The following VRTN variants were observed in gnomAD, a reference collection of about 807,000 sequenced individuals.
VRTN encodes vertebrae development associated.
A neutral mutation model predicts 18.2 loss-of-function variants in VRTN; 5 were observed. That is an observed-to-expected ratio of 0.27 (90% confidence interval 0.14 to 0.58). The LOEUF (loss-of-function observed/expected upper bound fraction) is 0.58. Among genes scored for constraint, VRTN ranks in the 20% least tolerant of loss-of-function variants. The pLI, the probability that VRTN is intolerant of heterozygous loss-of-function variation, is 0.91. For missense variants in VRTN, 741 were observed against 939.4 expected, an observed-to-expected ratio of 0.79 and a Z score of 2.76; for synonymous variants, 381 against 393.7, an observed-to-expected ratio of 0.97 and a Z score of 0.38.
upstream of VRTN, among the ~76,000 whole-genome samples, chr14:74,345,957 G>C (rs8017796): frequency 6.7e-6 from 1 of 149,994 alleles, no homozygotes. Context: ...AGAAAAGCAA[G>C]GAAAATACCC....
chr14:74,346,023 G>A (rs968420163), upstream of VRTN, among the ~76,000 whole-genome samples: 5 of 152,144 alleles, frequency 3.3e-5, no homozygotes, highest in East Asian at 9.7e-4. Context: ...ATGAAAATGG[G>A]CTGGGTACGG....
chr14:74,313,946 C>T (rs982361810), intron 1 of VRTN, among the ~76,000 whole-genome samples: 8 of 152,016 alleles, frequency 5.3e-5, no homozygotes, highest in African/African-American at 9.7e-5. Context: ...AAACAAAAAA[C>T]GAAAAACAGC....
chr14:74,357,401 C>A lies in VRTN; in HGVS notation c.618C>A (p.Ile206=), dbSNP rs148810419. The A allele has an allele frequency of 1.9e-6, 3 of 1,612,956 alleles. No individual in the cohort carries two copies. The African/African-American group carries it at 4.0e-5, about 22-fold the overall frequency. ...TCCGGCCCTACTTCAACCGTGTCAT[C>A]CGGCCCCGCCGCTGCGACCACGTGC... ...LKIRPYFNRV[I]RPRRCDHVPS... The change falls in exon 2 of 2, where the codon ATC becomes ATA. Residue 206 remains isoleucine, a synonymous_variant. Transcript: ENST00000256362. This position sits in a 1 kb window ranked among gnomAD's most constrained non-coding sequence, Gnocchi z 7.8.
chr14:74,310,504 T>TA (rs1327284797), intron 1 of VRTN, among the ~76,000 whole-genome samples: 1 of 151,554 alleles, frequency 6.6e-6, no homozygotes, highest in Non-Finnish European at 1.5e-5. Flanking sequence ...CACTTGGTAT[T>TA]TGTGTGACCT....
At chr14:74,356,692 G>T (rs1237201967) in intron 1 of VRTN, 91 bp from the exon 2 acceptor site, 16 of 1,459,722 alleles carry the variant, frequency 1.1e-5, no homozygotes, top group African/African-American at 1.4e-5. Context: ...TACCTTTTGG[G>T]AGAAAGTGCA....
At chr14:74,343,488 C>T (rs564174274), upstream of VRTN, among the ~76,000 whole-genome samples, 1 of 152,176 alleles carries the variant, frequency 6.6e-6, no homozygotes, top group African/African-American at 2.4e-5. Context: ...ATTACACATA[C>T]AATTTGAAGG....
chr14:74,316,084 G>A (rs1251713281), intron 1 of VRTN, among the ~76,000 whole-genome samples: 1 of 152,196 alleles, frequency 6.6e-6, no homozygotes, highest in African/African-American at 2.4e-5. Flanking sequence ...CAGCAGCTGG[G>A]GCAACAAGTC....
chr14:74,353,569 C>T (rs1007460354), intron 1 of VRTN, among the ~76,000 whole-genome samples: 10 of 152,230 alleles, frequency 6.6e-5, no homozygotes, highest in African/African-American at 1.2e-4. Context: ...GACTCCTGTA[C>T]GGTCTGCAGA....
chr14:74,318,654 C>T (rs564212482), intron 1 of VRTN, among the ~76,000 whole-genome samples: 9 of 151,982 alleles, frequency 5.9e-5, no homozygotes, highest in East Asian at 1.9e-4. Flanking sequence ...TCAGGTGATC[C>T]GCCCGCCTTG....
At chr14:74,332,768 G>A (rs2051145964) in intron 1 of VRTN, among the ~76,000 whole-genome samples, 1 of 151,978 alleles carries the variant, frequency 6.6e-6, no homozygotes, top group Admixed American at 6.6e-5. Flanking sequence ...TCACAAACAG[G>A]TATTTCTTGA....
intron 1 of VRTN, among the ~76,000 whole-genome samples, chr14:74,337,209 G>T (rs913740054): frequency 1.3e-5 from 2 of 152,066 alleles, no homozygotes; most frequent in Non-Finnish European, 2.9e-5. Flanking sequence ...TGGGCATGGT[G>T]GCACATGCCT....
Position 74,357,277 on chromosome 14 carries a change from G to C in VRTN, c.494G>C (p.Cys165Ser). ...TTCGATGCCGACGTCAAGGCCTCCTGTTTCCCCAGCAGCTTCTCCAACGTG... is the reference window on the plus strand; with the variant it reads ...TTCGATGCCGACGTCAAGGCCTCCTCTTTCCCCAGCAGCTTCTCCAACGTG... ...AIFDADVKAS[C>S]FPSSFSNVWH... is the part of the protein sequence containing the mutation. The change falls in exon 2 of 2, where the codon TGT becomes TCT. Residue 165 changes from cysteine (C) to serine (S), a missense_variant. Physicochemically the swap from Cys to Ser is moderately radical, Grantham distance 112. Coordinates refer to ENST00000256362, the MANE Select transcript of VRTN (RefSeq NM_018228.3). The surrounding 1 kb of genome is among the most constrained non-coding windows in gnomAD (Gnocchi z 7.8). 6.2e-7 allele frequency: 1 copy of C among 1,613,606 alleles called. No homozygotes were observed. The highest frequency in any genetic ancestry group is 1.1e-5 in the South Asian group (1 of 91,074).
At chr14:74,348,269 T>C (rs1702775420), upstream of VRTN, 3 of 152,266 alleles carry the variant, frequency 2.0e-5, no homozygotes, top group South Asian at 6.2e-4. Context: ...CTTTCAACTT[T>C]TCTCTGGGCA....
chr14:74,315,272 G>A (rs899486596), intron 1 of VRTN, among the ~76,000 whole-genome samples: 1 of 152,108 alleles, frequency 6.6e-6, no homozygotes, highest in Admixed American at 6.5e-5. Context: ...GGCTTGTAGC[G>A]GTGTGATCTT....
In VRTN at chr14:74,359,046, C is replaced by G; in HGVS notation, c.*154C>G. ...GGTATATTTGTGTTATTTTCTGGCT[C>G]CAGGACAGAGAATGCCAGAAATCAG... is the stretch of plus-strand genomic sequence containing the variant. On this transcript the variant is annotated 3_prime_UTR_variant, in exon 2 of 2. Transcript: ENST00000256362. 1 of 1,351,854 alleles carries G rather than the reference C, an allele frequency of 7.4e-7. No individual in the cohort carries two copies. Among genetic ancestry groups the G allele is most frequent in the South Asian group, 2.2e-5 (1 of 44,878 alleles). The allele number at this position is 1,351,854 out of a possible 1,614,324, so 83.7% of individuals were successfully genotyped here.
At chr14:74,348,954 G>T (rs371178337) in intron 1 of VRTN, among the ~76,000 whole-genome samples, 2 of 146,734 alleles carry the variant, frequency 1.4e-5, no homozygotes, top group Admixed American at 6.8e-5. Flanking sequence ...CCCTCCCCAG[G>T]TTCCCCGGGC....
In VRTN at chr14:74,340,421, T is replaced by A. The variant is rs986084936; in HGVS notation, c.-2+2537T>A. Among the ~76,000 whole-genome samples the A allele has an allele frequency of 1.3e-3, 198 of 151,526 alleles. 2 individuals are homozygous for A. The highest frequency in any genetic ancestry group is 5.8e-4 in the East Asian group (3 of 5,136). ...GCCACCGCGCCCGGCCATGTTTGTA[T>A]TTTTAGTAGACACGGGGTTTCACCA... On this transcript the variant is annotated intron_variant, in intron 2 of 2. Transcript: ENST00000557177.
chr14:74,356,666 G>C, intron 1 of VRTN, 117 bp from the exon 2 acceptor site: 1 of 1,361,396 alleles, frequency 7.3e-7, no homozygotes, highest in South Asian at 1.6e-5. Context: ...GTGGGAGGAC[G>C]GGAGCAGATA....
chr14:74,339,782 C>A (rs2085588693), intron 2 of VRTN, among the ~76,000 whole-genome samples: 1 of 152,128 alleles, frequency 6.6e-6, no homozygotes, highest in Non-Finnish European at 1.5e-5. Context: ...CCACTGAATT[C>A]CAGCTTGGGC....
Sources: allele counts gnomAD v4.1 joint callset (sites outside exome capture counted in the v4.1 genomes callset), GRCh38; gene constraint gnomAD v4.1.1; non-coding constraint Gnocchi (gnomAD v3.1); transcripts MANE v1.5; gene names NCBI Gene and HGNC (gene_info 2026-07-23, HGNC 2026-07-21).